EML1: variants seen among roughly 807,000 people sequenced by gnomAD.
The protein encoded by EML1 is echinoderm microtubule-associated protein-like 1.
A neutral mutation model predicts 110.4 loss-of-function variants in EML1; 27 were observed. The observed-to-expected ratio is 0.24, with a 90% CI of 0.18 to 0.34. The LOEUF (loss-of-function observed/expected upper bound fraction) is 0.34, where lower values mean the gene tolerates loss of function less well. Among genes scored for constraint, EML1 ranks in the 10% least tolerant of loss-of-function variants. EML1 has a pLI of 1.00. For missense variants in EML1, 741 were observed against 1,030.9 expected, an observed-to-expected ratio of 0.72 and a Z score of 3.85; for synonymous variants, 344 against 385.8, an observed-to-expected ratio of 0.89 and a Z score of 1.27.
In EML1 at chr14:99,761,924, C is replaced by CAAA. The variant is rs35254638; in HGVS notation, c.28+24079_28+24081dup. Reference sequence around the variant, plus strand: ...TGGGTGACAGAGTGAGACTCTGTCTCAAAAAAAAAAAAAAAAATCGAGAAC... The same window carrying CAAA: ...TGGGTGACAGAGTGAGACTCTGTCTCAAAAAAAAAAAAAAAAAAAATCGAGAAC... On this transcript the variant is annotated intron_variant, in intron 1 of 10. Coordinates refer to the EML1 transcript ENST00000554479. 6.7e-3 allele frequency among the ~76,000 whole-genome samples: 854 copies of CAAA among 127,304 alleles called. 47 individuals carry two copies. The East Asian group carries it at 0.12, about 19-fold the overall frequency. The allele number at this position is 127,304 out of a possible 152,430, so 83.5% of individuals were successfully genotyped here.
At chr14:99,764,755 G>A (rs755172202) in intron 1 of EML1, among the ~76,000 whole-genome samples, 20 of 152,338 alleles carry the variant, frequency 1.3e-4, no homozygotes, top group Non-Finnish European at 2.4e-4. Context: ...ACAGGAGCTT[G>A]GAGCAGGATG....
intron 1 of EML1, among the ~76,000 whole-genome samples, chr14:99,747,206 A>AG (rs1555385996): frequency 5.4e-5 from 8 of 147,210 alleles, no homozygotes; most frequent in Non-Finnish European, 9.0e-5. Context: ...AAAAAAAAAA[A>AG]GGAAGAAAAG....
At chr14:99,751,203 G>A (rs1231378948) in intron 1 of EML1, among the ~76,000 whole-genome samples, 1 of 151,984 alleles carries the variant, frequency 6.6e-6, no homozygotes, top group Non-Finnish European at 1.5e-5. Flanking sequence ...ACAGCAGATG[G>A]ACAAGCAGAC....
chr14:99,755,978 C>A (rs2057248202), intron 1 of EML1, among the ~76,000 whole-genome samples: 1 of 152,208 alleles, frequency 6.6e-6, no homozygotes, highest in Admixed American at 6.5e-5. Flanking sequence ...CCCCTGCCGG[C>A]AAGTGGCAGA....
At chr14:99,854,822 T>C (rs8022129) in intron 2 of EML1, among the ~76,000 whole-genome samples, 34,232 of 152,088 alleles carry the variant, frequency 0.23, 4,639 homozygotes, top group Non-Finnish European at 0.3. Flanking sequence ...AGGGCTGTAT[T>C]AAAATTCTTG....
chr14:99,927,197 A>G (rs1396716355), intron 17 of EML1, among the ~76,000 whole-genome samples: 1 of 152,234 alleles, frequency 6.6e-6, no homozygotes, highest in Non-Finnish European at 1.5e-5. Context: ...GGAAGCAAAA[A>G]AAAGCCCACA....
At position 99,923,662 on chromosome 14, in the gene EML1, C is replaced by T. The variant is rs917332831; in HGVS notation, c.1909+2785C>T. Among the ~76,000 whole-genome samples, 9 of 52,162 alleles carry T rather than the reference C, an allele frequency of 1.7e-4. No homozygotes were observed. The East Asian group carries it at 5.8e-3, about 34-fold the overall frequency. The allele number at this position is 52,162 out of a possible 152,430, so 34.2% of individuals were successfully genotyped here. A position where few individuals can be genotyped will look rare whatever the true frequency, so the allele number is the denominator to read the frequency against. The stretch of plus-strand genomic sequence containing the variant: ...TGCCCCCTTCACCTGTGTTTATCCC[C>T]GATTACTGTGACCTTAGAGGAAATT... On this transcript the variant is annotated intron_variant, in intron 17 of 21. Coordinates refer to ENST00000262233, the MANE Select transcript of EML1 (RefSeq NM_004434.3).
intron 1 of EML1, among the ~76,000 whole-genome samples, chr14:99,775,871 T>C (rs1365199977): frequency 6.6e-6 from 1 of 152,214 alleles, no homozygotes; most frequent in Non-Finnish European, 1.5e-5. Flanking sequence ...GAATAAAACA[T>C]TTTGTAGATT....
chr14:99,777,294 G>A (rs953549812), intron 1 of EML1, among the ~76,000 whole-genome samples: 16 of 152,070 alleles, frequency 1.1e-4, no homozygotes, highest in Non-Finnish European at 2.9e-5. Flanking sequence ...CAAAGAAGTT[G>A]CAGTTCCCTC....
chr14:99,866,389 G>A (rs1451715232), intron 3 of EML1, among the ~76,000 whole-genome samples: 3 of 152,202 alleles, frequency 2.0e-5, no homozygotes, highest in South Asian at 2.1e-4. Context: ...TGACCAACAG[G>A]CGAAGCCCTA....
At chr14:99,813,621 C>A (rs541981974) in intron 1 of EML1, among the ~76,000 whole-genome samples, 1 of 152,108 alleles carries the variant, frequency 6.6e-6, no homozygotes, top group South Asian at 2.1e-4. Context: ...GTGGGAGGAT[C>A]GCTTGAGCCT....
At chr14:99,846,383 A>G (rs1007314210) in intron 1 of EML1, among the ~76,000 whole-genome samples, 33 of 150,224 alleles carry the variant, frequency 2.2e-4, no homozygotes, top group Middle Eastern at 6.8e-3. Context: ...CCCAGGTTCA[A>G]GCGATTCTCC....
chr14:99,812,333 G>A (rs2058093979), intron 1 of EML1, among the ~76,000 whole-genome samples: 1 of 151,818 alleles, frequency 6.6e-6, no homozygotes, highest in African/African-American at 2.4e-5. Context: ...GTCTCTCTGT[G>A]ATAACGAAAC....
chr14:99,773,813 G>A (rs1237223466), exon 1 of EML1: 1 of 152,248 alleles, frequency 6.6e-6, no homozygotes, highest in Non-Finnish European at 1.5e-5. Context: ...AGACTCATTA[G>A]TGCCTGCATA....
At chr14:99,747,826 AG>A (rs2057129630) in intron 1 of EML1, among the ~76,000 whole-genome samples, 1 of 152,170 alleles carries the variant, frequency 6.6e-6, no homozygotes, top group African/African-American at 2.4e-5. Flanking sequence ...GTCCCGCTGC[AG>A]GGTCAGCAAT....
In EML1 at chr14:99,897,263, C is replaced by T; in HGVS notation, c.796C>T (p.His266Tyr). ...LYNVEEQLQR[H>Y]YAGHNDDVKC... is the part of the protein sequence containing the mutation. ...CAACGTGGAGGAGCAACTGCAGAGG[C>T]ATTACGCTGGCCACAACGATGACGT... The change falls in exon 7 of 22, where the codon CAT becomes TAT. Residue 266 changes from histidine (H) to tyrosine (Y), a missense_variant. Coordinates refer to ENST00000262233, the MANE Select transcript of EML1 (RefSeq NM_004434.3). 1 of 1,612,066 alleles carries T rather than the reference C, an allele frequency of 6.2e-7. No homozygotes were observed. The highest frequency in any genetic ancestry group is 8.5e-7 in the Non-Finnish European group (1 of 1,179,164).
chr14:99,911,389 A>G (rs773905186), intron 12 of EML1, 33 bp from the exon 13 acceptor site: 6 of 1,549,994 alleles, frequency 3.9e-6, no homozygotes, highest in South Asian at 2.5e-5. Context: ...CCTTTTGACA[A>G]TGTGCTAATG....
intron 1 of EML1, among the ~76,000 whole-genome samples, chr14:99,777,452 C>T (rs903555304): frequency 2.0e-5 from 3 of 152,124 alleles, no homozygotes; most frequent in South Asian, 2.1e-4. Context: ...AGGAGTCTTG[C>T]GCTGTCGCCC....
At chr14:99,864,321 A>G (rs2059055289) in intron 2 of EML1, among the ~76,000 whole-genome samples, 1 of 152,202 alleles carries the variant, frequency 6.6e-6, no homozygotes, top group Non-Finnish European at 1.5e-5. Context: ...TTCTTTTGCA[A>G]ATTTTTAAAA....
Sources: gnomAD v4.1 joint callset for allele counts (sites outside exome capture counted in the v4.1 genomes callset) on GRCh38, gnomAD v4.1.1 for gene constraint, MANE v1.5 for transcripts, NCBI Gene and HGNC (gene_info 2026-07-23, HGNC 2026-07-21) for gene names.